The following ABCB5 variants were observed in gnomAD, a reference collection of about 807,000 sequenced individuals.
ABCB5 encodes the protein ATP binding cassette subfamily B member 5.
Under a neutral mutation model 144.2 loss-of-function variants are expected in ABCB5, and 155 were observed. That is an observed-to-expected ratio of 1.08 (90% CI 0.94 to 1.23). The LOEUF (loss-of-function observed/expected upper bound fraction) is 1.23, where lower values mean the gene tolerates loss of function less well. ABCB5 is among the 50% of genes most tolerant of loss of function. The pLI is 0.00. For missense variants in ABCB5, 1,830 were observed against 1,520.8 expected, an observed-to-expected ratio of 1.20 and a Z score of -3.38; for synonymous variants, 610 against 528.6, an observed-to-expected ratio of 1.15 and a Z score of -2.11.
chr7:20,657,137 G>C (rs1321568242), intron 13 of ABCB5, among the ~76,000 whole-genome samples: 5 of 151,714 alleles, frequency 3.3e-5, no homozygotes, highest in Non-Finnish European at 7.4e-5. Flanking sequence ...TCAAACTCCT[G>C]GCTTCAACCA....
intron 16 of ABCB5, among the ~76,000 whole-genome samples, chr7:20,689,725 G>A (rs1188302217): frequency 6.6e-6 from 1 of 152,168 alleles, no homozygotes; most frequent in Non-Finnish European, 1.5e-5. Context: ...AGAAAGATAA[G>A]GAAGAAAAAC....
intron 14 of ABCB5, chr7:20,667,527 T>C (rs976507330): frequency 5.1e-6 from 5 of 978,456 alleles, no homozygotes; most frequent in Non-Finnish European, 6.1e-6. Context: ...TGCTCTCTTT[T>C]ATATTTTCTA....
intron 26 of ABCB5, among the ~76,000 whole-genome samples, chr7:20,751,173 T>C (rs1782915944): frequency 6.6e-6 from 1 of 152,090 alleles, no homozygotes; most frequent in Admixed American, 6.5e-5. Flanking sequence ...ATAAAAGAGG[T>C]GATTTCGGGG....
chr7:20,668,570 C>G (rs1785309505), intron 14 of ABCB5, among the ~76,000 whole-genome samples: 1 of 151,434 alleles, frequency 6.6e-6, no homozygotes, highest in Admixed American at 6.6e-5. Flanking sequence ...GCCCGGCAGC[C>G]ACCCCGTCCG....
At chr7:20,671,906 T>C (rs775086925) in intron 14 of ABCB5, among the ~76,000 whole-genome samples, 2 of 152,208 alleles carry the variant, frequency 1.3e-5, no homozygotes, top group Non-Finnish European at 2.9e-5. Context: ...TGCCAAACTG[T>C]TTTTCTTTTA....
intron 27 of ABCB5, among the ~76,000 whole-genome samples, chr7:20,754,635 C>G (rs946008879): frequency 6.6e-6 from 1 of 152,078 alleles, no homozygotes; most frequent in Non-Finnish European, 1.5e-5. Context: ...CAGCTAAATC[C>G]TACCAAAAAC....
chr7:20,620,847 G>A (rs1236496954), intron 1 of ABCB5, among the ~76,000 whole-genome samples: 1 of 152,028 alleles, frequency 6.6e-6, no homozygotes, highest in Non-Finnish European at 1.5e-5. Context: ...TTCTCAAAAA[G>A]TTAAACATAG....
chr7:20,692,796 G>C (rs573888468), intron 16 of ABCB5, among the ~76,000 whole-genome samples: 4 of 152,076 alleles, frequency 2.6e-5, no homozygotes, highest in Admixed American at 6.6e-5. Flanking sequence ...GGTAGATTGT[G>C]ATGTTAAGGA....
In ABCB5 at chr7:20,681,421, C is replaced by G. The variant is rs1365748745; in HGVS notation, c.1708-84C>G. 3 of 1,470,064 alleles carry G rather than the reference C, an allele frequency of 2.0e-6. No homozygotes were observed. In the African/African-American group the frequency reaches 4.2e-5, roughly 21 times the overall value. The allele number at this position is 1,470,064 out of a possible 1,614,324, so 91.1% of individuals were successfully genotyped here. A position where few individuals can be genotyped will look rare whatever the true frequency, so the allele number is the denominator to read the frequency against. On this transcript the variant is annotated intron_variant, in intron 14 of 27. Transcript: ENST00000404938. ...GAATTACAGGCATGAGCCACCATGCCGGGTCAACAAAGATTTCTTAAACAG... is the reference window on the plus strand; with the variant it reads ...GAATTACAGGCATGAGCCACCATGCGGGGTCAACAAAGATTTCTTAAACAG...
chr7:20,738,947 A>C (rs1303652672), intron 23 of ABCB5, 36 bp from the exon 24 acceptor site: 1 of 1,538,810 alleles, frequency 6.5e-7, no homozygotes, highest in Non-Finnish European at 8.7e-7. Flanking sequence ...CAAAGGATCG[A>C]TGGACCTAAG....
At chr7:20,695,966 G>C (rs1010296507) in intron 16 of ABCB5, among the ~76,000 whole-genome samples, 8 of 152,002 alleles carry the variant, frequency 5.3e-5, no homozygotes, top group Admixed American at 6.6e-5. Context: ...TAGCTGGTGG[G>C]AGTATAAAAT....
At chr7:20,732,078 C>T (rs915531221) in intron 23 of ABCB5, among the ~76,000 whole-genome samples, 5 of 152,194 alleles carry the variant, frequency 3.3e-5, no homozygotes, top group South Asian at 4.1e-4. Context: ...GGGGCTGCTG[C>T]GTTGCTTTCC....
chr7:20,629,665 G>C (rs372812861), intron 4 of ABCB5, among the ~76,000 whole-genome samples: 4 of 152,234 alleles, frequency 2.6e-5, no homozygotes, highest in African/African-American at 9.6e-5. Context: ...GGGAGGCTGA[G>C]GCAGGAGAAT....
Position 20,669,137 on chromosome 7 carries a change from A to G in ABCB5, c.1707+10461A>G, listed in dbSNP as rs1237135330. On this transcript the variant is annotated intron_variant, in intron 14 of 27. Transcript: ENST00000404938. Reference sequence around the variant, plus strand: ...AGCCCCCCACCCGGCCAGCTGCCCCATCCGGGAGGTGAGGGGCGCTTCTGC... The same window carrying G: ...AGCCCCCCACCCGGCCAGCTGCCCCGTCCGGGAGGTGAGGGGCGCTTCTGC... Among the ~76,000 whole-genome samples the G allele has an allele frequency of 9.3e-5, 14 of 150,374 alleles. No individual in the cohort carries two copies. The East Asian group carries it at 2.1e-3, about 22-fold the overall frequency.
At chr7:20,669,169 G>A (rs1261830864) in intron 14 of ABCB5, among the ~76,000 whole-genome samples, 2 of 148,916 alleles carry the variant, frequency 1.3e-5, no homozygotes, top group Non-Finnish European at 3.0e-5. Flanking sequence ...CTGCCCGGCC[G>A]CCCCTACTGG....
chr7:20,628,205 G>T (rs1255458319), intron 3 of ABCB5, among the ~76,000 whole-genome samples: 2 of 151,452 alleles, frequency 1.3e-5, no homozygotes, highest in Non-Finnish European at 2.9e-5. Context: ...TCCCCACCCT[G>T]TGTCCATGTG....
rs1379117996 is a variant in ABCB5 at position 20,687,918 on chromosome 7, T to A, written c.2010+2082T>A. On this transcript the variant is annotated intron_variant, in intron 16 of 27. Coordinates refer to ENST00000404938, the MANE Select transcript of ABCB5 (RefSeq NM_001163941.2). Reference sequence around the variant, plus strand: ...ATAAAAATAAAATAAATAGGCCAGGTGAGTGGTTCACGCCTATAATCCCAG... The same window carrying A: ...ATAAAAATAAAATAAATAGGCCAGGAGAGTGGTTCACGCCTATAATCCCAG... Among the ~76,000 whole-genome samples, 3 of 151,942 alleles carry A rather than the reference T, an allele frequency of 2.0e-5. No individual in the cohort carries two copies. The East Asian group carries it at 5.8e-4, about 29-fold the overall frequency.
At chr7:20,697,624 G>A (rs888805888) in intron 16 of ABCB5, among the ~76,000 whole-genome samples, 4 of 152,184 alleles carry the variant, frequency 2.6e-5, no homozygotes, top group Non-Finnish European at 5.9e-5. Context: ...GGCAGACCCA[G>A]AATGACTACT....
intron 13 of ABCB5, among the ~76,000 whole-genome samples, chr7:20,656,279 C>T (rs35359563): frequency 0.36 from 54,759 of 151,802 alleles, 10,637 homozygotes; most frequent in African/African-American, 0.51. Context: ...CTGGAGTGTA[C>T]TAAAGTTAAA....
Sources: gnomAD v4.1 joint callset for allele counts (sites outside exome capture counted in the v4.1 genomes callset) on GRCh38, gnomAD v4.1.1 for gene constraint, MANE v1.5 for transcripts, NCBI Gene and HGNC (gene_info 2026-07-23, HGNC 2026-07-21) for gene names.